The following ALDH7A1 variants were observed in gnomAD, a reference collection of about 807,000 sequenced individuals.
ALDH7A1 encodes the protein alpha-aminoadipic semialdehyde dehydrogenase.
ALDH7A1 carries 63 observed loss-of-function variants against 79.9 expected under a neutral mutation model. The ratio of observed to expected loss-of-function variants is 0.79; its 90% CI spans 0.64 to 0.97. The LOEUF (loss-of-function observed/expected upper bound fraction) is 0.97. Among genes scored for constraint, ALDH7A1 ranks in the 50% least tolerant of loss-of-function variants. The pLI, the probability that ALDH7A1 is intolerant of heterozygous loss-of-function variation, is 0.00. For missense variants in ALDH7A1, 627 were observed against 665.2 expected, an observed-to-expected ratio of 0.94 and a Z score of 0.63; for synonymous variants, 240 against 231.2, an observed-to-expected ratio of 1.04 and a Z score of -0.34.
At position 126,571,150 on chromosome 5, in the gene ALDH7A1, A is replaced by ATTTT. The variant is rs386404930; in HGVS notation, c.696-295_696-292dup. 1,097 of 221,486 alleles carry ATTTT rather than the reference A, an allele frequency of 5.0e-3. 1 individual carries two copies. Among genetic ancestry groups the ATTTT allele is most frequent in the South Asian group, 0.013 (286 of 22,134 alleles). The allele number at this position is 221,486 out of a possible 1,614,324, so 13.7% of individuals were successfully genotyped here. A position where few individuals can be genotyped will look rare whatever the true frequency, so the allele number is the denominator to read the frequency against. ...GCCGTTTTCAAAAAACTATTAGCAG[A>ATTTT]TTTTTTTTTTTTTTTTTTTTTTTTT... is the stretch of plus-strand genomic sequence containing the variant. On this transcript the variant is annotated intron_variant, in intron 7 of 17. Transcript: ENST00000409134.
intron 9 of ALDH7A1, chr5:126,562,502 C>A (rs1750435679): frequency 6.6e-6 from 1 of 152,066 alleles, no homozygotes; most frequent in African/African-American, 2.4e-5. Flanking sequence ...TGAGCCACCA[C>A]ACCTGGCTTA....
rs1295251054 is a variant in ALDH7A1, at chr5:126,545,506, ACCTG to A, written c.1566-491_1566-488del. On this transcript the variant is annotated intron_variant, in intron 17 of 17. Coordinates refer to ENST00000409134, the MANE Select transcript of ALDH7A1 (RefSeq NM_001182.5). ...TTGAACTCCTGACCTCAAATGATCCACCTGCCTCAGCCTCCTGAACTGCTTGGAT... is the reference window on the plus strand; with the variant it reads ...TTGAACTCCTGACCTCAAATGATCCACCTCAGCCTCCTGAACTGCTTGGAT... 3.7e-5 allele frequency among the ~76,000 whole-genome samples: 5 copies of A among 135,738 alleles called. 1 individual carries two copies. Among genetic ancestry groups the A allele is most frequent in the African/African-American group, 1.1e-4 (4 of 36,602 alleles). The allele number at this position is 135,738 out of a possible 152,430, so 89.0% of individuals were successfully genotyped here.
chr5:126,581,013 G>A (rs895978785), intron 5 of ALDH7A1, among the ~76,000 whole-genome samples: 1 of 152,044 alleles, frequency 6.6e-6, no homozygotes, highest in African/African-American at 2.4e-5. Context: ...TAGTGGAAAT[G>A]GGGTTTCTCC....
chr5:126,576,946 A>G (rs935796684), intron 6 of ALDH7A1, 133 bp downstream of exon 6: 17 of 1,170,384 alleles, frequency 1.5e-5, no homozygotes, highest in African/African-American at 9.3e-5. Context: ...AAAATAAAAT[A>G]AAGTTTTATT....
At chr5:126,593,208 T>G in intron 2 of ALDH7A1, 143 bp downstream of exon 2, 1 of 1,386,386 alleles carries the variant, frequency 7.2e-7, no homozygotes, top group Non-Finnish European at 9.7e-7. Context: ...ATAAACACAT[T>G]ATTCTCTTCA....
chr5:126,564,161 T>C (rs1399107071), intron 9 of ALDH7A1, among the ~76,000 whole-genome samples: 2 of 152,052 alleles, frequency 1.3e-5, no homozygotes, highest in Non-Finnish European at 2.9e-5. Context: ...TTTAGACATA[T>C]GTTTATTTAT....
rs762383899 is a variant in ALDH7A1, at chr5:126,544,976, T to C, written c.1609A>G (p.Lys537Glu). ...SKDLPLAQGIKFQ is the reference protein window; with the variant it reads ...SKDLPLAQGIEFQ ...CATCTAAAACACCTTTACTGAAACT[T>C]GATTCCTTGGGCCAGAGGAAGGTCT... Residue 537 changes from lysine (K) to glutamate (E), a missense_variant, in exon 18 of 18, where the codon AAG becomes GAG. Coordinates refer to ENST00000409134, the MANE Select transcript of ALDH7A1 (RefSeq NM_001182.5). 1 of 1,610,358 alleles carries C rather than the reference T, an allele frequency of 6.2e-7. No individual in the cohort carries two copies. Among genetic ancestry groups the C allele is most frequent in the Non-Finnish European group, 8.5e-7 (1 of 1,176,668 alleles).
intron 8 of ALDH7A1, chr5:126,568,823 G>A (rs1750682554): frequency 5.4e-6 from 1 of 184,028 alleles, no homozygotes; most frequent in Non-Finnish European, 1.2e-5. Context: ...GGAGGCTGAG[G>A]TAGGAGGATC....
chr5:126,591,716 G>A (rs140530863), intron 3 of ALDH7A1, among the ~76,000 whole-genome samples: 126 of 152,180 alleles, frequency 8.3e-4, no homozygotes, highest in African/African-American at 2.8e-3. Context: ...GGCTATCCTA[G>A]TTCGCCTTTA....
chr5:126,575,400 AG>A lies in ALDH7A1; in HGVS notation c.695+19del. ...CAATATTATTCCATACCCAGGAAAA[AG>A]AAAGCCACATGTACTTACTTTGTGA... On this transcript the variant is annotated intron_variant, in intron 7 of 17. Transcript: ENST00000409134. 1 of 1,612,110 alleles carries A rather than the reference AG, an allele frequency of 6.2e-7. No individual in the cohort carries two copies. Among genetic ancestry groups the A allele is most frequent in the Non-Finnish European group, 8.5e-7 (1 of 1,178,868 alleles).
chr5:126,571,178 G>GTTTTTC (rs1750760451), intron 7 of ALDH7A1: 1 of 250,150 alleles, frequency 4.0e-6, no homozygotes, highest in Non-Finnish European at 7.2e-6. Flanking sequence ...TTTTTTTTTA[G>GTTTTTC]CCCTAAAAGA....
chr5:126,569,049 C>G (rs776973003), intron 8 of ALDH7A1: 2 of 152,652 alleles, frequency 1.3e-5, no homozygotes, highest in Non-Finnish European at 2.9e-5. Flanking sequence ...TATTAGGAGC[C>G]AGGCTGCACA....
rs2112817301 is a variant in ALDH7A1 at position 126,593,421 on chromosome 5, G to A, written c.193-17C>T. The A allele has an allele frequency of 1.9e-6, 3 of 1,613,734 alleles. No homozygotes were observed. Among genetic ancestry groups the A allele is most frequent in the Non-Finnish European group, 2.5e-6 (3 of 1,179,970 alleles). ...CGTAATAACCTTAAAACAAAAGGATGATGATCATGTATAGAAAACGTAATC... is the reference window on the plus strand; with the variant it reads ...CGTAATAACCTTAAAACAAAAGGATAATGATCATGTATAGAAAACGTAATC... On this transcript the variant is annotated splice_polypyrimidine_tract_variant and intron_variant, in intron 1 of 17. Transcript: ENST00000409134.
chr5:126,578,114 C>T (rs1385594409), intron 5 of ALDH7A1, among the ~76,000 whole-genome samples: 3 of 150,632 alleles, frequency 2.0e-5, no homozygotes, highest in African/African-American at 7.3e-5. Context: ...CATGGTGAAA[C>T]CCTGTCTCTA....
chr5:126,576,558 T>G (rs1369250647), intron 6 of ALDH7A1, among the ~76,000 whole-genome samples: 1 of 151,964 alleles, frequency 6.6e-6, no homozygotes, highest in African/African-American at 2.4e-5. Context: ...TCAGATATTT[T>G]GCAGAGTTGA....
chr5:126,573,891 G>T (rs553652657), intron 7 of ALDH7A1, among the ~76,000 whole-genome samples: 3 of 150,328 alleles, frequency 2.0e-5, no homozygotes, highest in African/African-American at 7.4e-5. Flanking sequence ...TTAGCCCGGC[G>T]TGGTGGCCCA....
At chr5:126,561,772 T>C (rs1280071663) in intron 9 of ALDH7A1, 1 of 152,096 alleles carries the variant, frequency 6.6e-6, no homozygotes, top group African/African-American at 2.4e-5. Flanking sequence ...AGTATGGCAA[T>C]TGCCCCAAAA....
chr5:126,556,545 A>G (rs1364337408), intron 11 of ALDH7A1, among the ~76,000 whole-genome samples: 2 of 152,046 alleles, frequency 1.3e-5, no homozygotes, highest in Non-Finnish European at 2.9e-5. Flanking sequence ...CACCCGGTCC[A>G]TAAGCCACAT....
At chr5:126,585,812 C>G (rs1480506010) in intron 3 of ALDH7A1, among the ~76,000 whole-genome samples, 1 of 152,142 alleles carries the variant, frequency 6.6e-6, no homozygotes, top group Non-Finnish European at 1.5e-5. Flanking sequence ...ATCCGCCTGC[C>G]TCGGCCTCCC....
Sources: allele counts gnomAD v4.1 joint callset (sites outside exome capture counted in the v4.1 genomes callset), GRCh38; gene constraint gnomAD v4.1.1; transcripts MANE v1.5; gene names NCBI Gene and HGNC (gene_info 2026-07-23, HGNC 2026-07-21).